Variants in OSBP2 observed in about 807,000 individuals in gnomAD.
OSBP2 encodes the protein oxysterol binding protein 2, also known as oxysterol-binding protein 2.
Under a neutral mutation model 96.0 loss-of-function variants are expected in OSBP2, and 66 were observed. The observed-to-expected ratio is 0.69, with a 90% CI of 0.56 to 0.84. The LOEUF is 0.84. Ranked by LOEUF, OSBP2 falls within the 40% of genes least tolerant of loss-of-function variation. The pLI is 0.00. For synonymous variants in OSBP2, 525 were observed against 520.9 expected (o/e 1.01, Z -0.11); for missense variants, 1,038 against 1,222.7 (o/e 0.85, Z 2.25).
intron 1 of OSBP2, among the ~76,000 whole-genome samples, chr22:30,705,135 C>T (rs1347951920): frequency 6.6e-6 from 1 of 152,152 alleles, no homozygotes; most frequent in East Asian, 1.9e-4. Flanking sequence ...AGTGCCTGCT[C>T]TGTGGCTCTC....
intron 3 of OSBP2, among the ~76,000 whole-genome samples, chr22:30,886,245 A>G (rs948786865): frequency 6.6e-6 from 1 of 152,240 alleles, no homozygotes; most frequent in African/African-American, 2.4e-5. Flanking sequence ...AAGGCGGGAC[A>G]GCTCAAAAGC....
chr22:30,829,237 G>A (rs752569491), intron 2 of OSBP2, among the ~76,000 whole-genome samples: 5 of 152,294 alleles, frequency 3.3e-5, no homozygotes, highest in South Asian at 2.1e-4. Flanking sequence ...GGCACCTCGC[G>A]TGGATTAGAA....
At chr22:30,823,409 T>C (rs930741610) in intron 2 of OSBP2, among the ~76,000 whole-genome samples, 12 of 152,276 alleles carry the variant, frequency 7.9e-5, no homozygotes, top group African/African-American at 2.9e-4. Flanking sequence ...CCTTGATGAG[T>C]GTTTCTGTTA....
chr22:30,865,631 CAAAAAAAAAAAAAA>C (rs398040482), intron 2 of OSBP2, among the ~76,000 whole-genome samples: 5 of 59,898 alleles, frequency 8.3e-5, no homozygotes, highest in Admixed American at 6.8e-4. Context: ...GACTCCATCT[CAAAAAAAAAAAAAA>C]AAAAAAAAAA....
intron 2 of OSBP2, among the ~76,000 whole-genome samples, chr22:30,818,187 C>T (rs545942396): frequency 2.0e-5 from 3 of 152,274 alleles, no homozygotes; most frequent in East Asian, 1.9e-4. Context: ...CATGAGCTAC[C>T]GTGCCCAGCC....
chr22:30,711,003 C>T lies in OSBP2; in HGVS notation c.644+15450C>T, dbSNP rs1300519237. ...CAGGCGATCCGCCTGCCTCGGCCTCCCAAAGTGCTGGGAATACAGGCGTGA... is the reference window on the plus strand; with the variant it reads ...CAGGCGATCCGCCTGCCTCGGCCTCTCAAAGTGCTGGGAATACAGGCGTGA... On this transcript the variant is annotated intron_variant, in intron 1 of 13. Coordinates refer to ENST00000332585, the MANE Select transcript of OSBP2 (RefSeq NM_030758.4). Among the ~76,000 whole-genome samples the T allele has an allele frequency of 5.9e-5, 9 of 152,316 alleles. No homozygotes were observed. In the South Asian group the frequency reaches 1.9e-3, roughly 32 times the overall value.
chr22:30,838,885 T>TTAC lies in OSBP2; in HGVS notation c.854-31544_854-31543insTAC, dbSNP rs1602338706. Among the ~76,000 whole-genome samples the TTAC allele has an allele frequency of 2.0e-5, 3 of 151,984 alleles. No individual in the cohort carries two copies. The East Asian group carries it at 5.8e-4, about 29-fold the overall frequency. ...AGTTTTAGGGTACATGTGCACAATGTGCAGGTTAGTTACATATGTATACAT... is the reference window on the plus strand; with the variant it reads ...AGTTTTAGGGTACATGTGCACAATGTTACGCAGGTTAGTTACATATGTATACAT... On this transcript the variant is annotated intron_variant, in intron 2 of 13. Coordinates refer to ENST00000332585, the MANE Select transcript of OSBP2 (RefSeq NM_030758.4).
chr22:30,907,035 C>T lies in OSBP2; in HGVS notation c.*696C>T, dbSNP rs1244906607. The T allele has an allele frequency of 6.6e-6, 1 of 152,568 alleles. No homozygotes were observed. Among genetic ancestry groups the T allele is most frequent in the African/African-American group, 2.4e-5 (1 of 41,472 alleles). 9.5% of individuals were successfully genotyped at this position (152,568 alleles called of 1,614,324 possible). ...CCATCCACAGATGCAGGAGGGGGTACTGATGGTAACCCCCATGTGGATTTG... is the reference window on the plus strand; with the variant it reads ...CCATCCACAGATGCAGGAGGGGGTATTGATGGTAACCCCCATGTGGATTTG... On this transcript the variant is annotated 3_prime_UTR_variant, in exon 14 of 14. Transcript: ENST00000332585.
intron 2 of OSBP2, among the ~76,000 whole-genome samples, chr22:30,778,441 C>A (rs1476336279): frequency 1.3e-5 from 2 of 152,098 alleles, no homozygotes; most frequent in African/African-American, 4.8e-5. Flanking sequence ...GCTTTTGCTT[C>A]TGCTCTGTGG....
intron 2 of OSBP2, among the ~76,000 whole-genome samples, chr22:30,868,561 C>T (rs1452404078): frequency 2.6e-5 from 4 of 152,242 alleles, no homozygotes; most frequent in South Asian, 4.1e-4. Flanking sequence ...ATGCTCAGGC[C>T]GCCTGGCTGG....
In OSBP2 at chr22:30,897,046, A is replaced by T. The variant is rs191482169; in HGVS notation, c.2375+3045A>T. On this transcript the variant is annotated intron_variant, in intron 12 of 13. Transcript: ENST00000332585. Reference sequence around the variant, plus strand: ...GAAATTAAAAGACACATATCATGAAAATACTAACAAAAAGCTATAATAGCT... The same window carrying T: ...GAAATTAAAAGACACATATCATGAATATACTAACAAAAAGCTATAATAGCT... Among the ~76,000 whole-genome samples, 7 of 152,360 alleles carry T rather than the reference A, an allele frequency of 4.6e-5. No homozygotes were observed. In the East Asian group the frequency reaches 1.3e-3, roughly 29 times the overall value.
intron 1 of OSBP2, among the ~76,000 whole-genome samples, chr22:30,731,284 C>G (rs1173643130): frequency 6.6e-6 from 1 of 152,058 alleles, no homozygotes; most frequent in Non-Finnish European, 1.5e-5. Context: ...AAGTGACCAC[C>G]CAGCTCATTC....
rs770183785 is a variant in OSBP2, at chr22:30,906,026, G to A, written c.2565G>A (p.Arg855=). The change falls in exon 13 of 14, where the codon CGG becomes CGA. Residue 855 remains arginine (R), a synonymous_variant. Coordinates refer to ENST00000332585, the MANE Select transcript of OSBP2 (RefSeq NM_030758.4). ...EEKQRLSRRR[R]LEACGPGSSC... ...AGCAGCGCCTGTCGCGGCGCCGGCG[G>A]CTGGAGGCCTGCGGGCCGGGCAGCA... The A allele has an allele frequency of 6.4e-7, 1 of 1,573,358 alleles. No individual in the cohort carries two copies. Among genetic ancestry groups the A allele is most frequent in the Admixed American group, 1.9e-5 (1 of 52,852 alleles).
At chr22:30,851,373 A>G (rs1463465750) in intron 2 of OSBP2, among the ~76,000 whole-genome samples, 1 of 152,124 alleles carries the variant, frequency 6.6e-6, no homozygotes, top group Non-Finnish European at 1.5e-5. Context: ...TATTATTTTT[A>G]AATGTCATTT....
At chr22:30,867,397 C>A (rs1182214583) in intron 2 of OSBP2, among the ~76,000 whole-genome samples, 1 of 152,198 alleles carries the variant, frequency 6.6e-6, no homozygotes, top group Non-Finnish European at 1.5e-5. Context: ...ACCCTGCCTT[C>A]TCATGTGTGA....
intron 2 of OSBP2, among the ~76,000 whole-genome samples, chr22:30,845,475 CA>C (rs1337924454): frequency 2.0e-5 from 3 of 151,108 alleles, no homozygotes; most frequent in Non-Finnish European, 4.4e-5. Flanking sequence ...TAAGAATTAC[CA>C]AAATGTGACA....
chr22:30,858,398 G>A lies in OSBP2; in HGVS notation c.854-12031G>A, dbSNP rs982204389. On this transcript the variant is annotated intron_variant, in intron 2 of 13. Transcript: ENST00000332585. ...CCTGACCTCATGATCCACCCACCTC[G>A]GCCTCCCAAAGTGCTGGGATTACAG... 3.3e-5 allele frequency among the ~76,000 whole-genome samples: 5 copies of A among 150,444 alleles called. No homozygotes were observed. In the South Asian group the frequency reaches 6.4e-4, roughly 19 times the overall value.
intron 2 of OSBP2, among the ~76,000 whole-genome samples, chr22:30,797,517 C>T (rs902823623): frequency 6.6e-6 from 1 of 152,002 alleles, no homozygotes; most frequent in Admixed American, 6.6e-5. Flanking sequence ...CTCCTGACCT[C>T]GCGATCAGCC....
At chr22:30,773,103 A>ATTTTT (rs695837) in intron 2 of OSBP2, 21 of 123,366 alleles carry the variant, frequency 1.7e-4, no homozygotes, top group African/African-American at 5.0e-4. Context: ...GTTAAACACG[A>ATTTTT]TTTTTTTTTT....
Sources: gnomAD v4.1 joint callset for allele counts (sites outside exome capture counted in the v4.1 genomes callset) on GRCh38, gnomAD v4.1.1 for gene constraint, MANE v1.5 for transcripts, NCBI Gene and HGNC (gene_info 2026-07-23, HGNC 2026-07-21) for gene names.